TEK: variants seen among roughly 807,000 people sequenced by gnomAD.
The protein encoded by TEK is TEK receptor tyrosine kinase, also known as angiopoietin-1 receptor.
In TEK, 43 loss-of-function variants were observed where a neutral mutation model predicts 131.8. The observed-to-expected ratio is 0.33, with a 90% CI of 0.26 to 0.42. TEK has a LOEUF of 0.42. Ranked by LOEUF, TEK falls within the 10% of genes least tolerant of loss-of-function variation. TEK has a pLI of 1.00. For missense variants in TEK, 1,162 were observed against 1,384.4 expected (o/e 0.84, Z 2.55); for synonymous variants, 580 against 491.6 (o/e 1.18, Z -2.38).
In TEK at chr9:27,220,041, T is replaced by C. The variant is rs754634219; in HGVS notation, c.3104-8T>C. On this transcript the variant is annotated splice_polypyrimidine_tract_variant and splice_region_variant and intron_variant, in intron 20 of 22. Transcript: ENST00000380036. ...AGAGGACTTAGAGTGGCACTGTTTGTCTTCCAGGAGGCACACCCTACTGCG... is the reference window on the plus strand; with the variant it reads ...AGAGGACTTAGAGTGGCACTGTTTGCCTTCCAGGAGGCACACCCTACTGCG... 1.8e-5 allele frequency: 29 copies of C among 1,614,034 alleles called. No homozygotes were observed. The highest frequency in any genetic ancestry group is 2.5e-5 in the Non-Finnish European group (29 of 1,179,920).
rs201242194 is a variant in TEK at position 27,220,042 on chromosome 9, C to G, written c.3104-7C>G. 8.1e-6 allele frequency: 13 copies of G among 1,614,004 alleles called. No homozygotes were observed. In the East Asian group the frequency reaches 2.7e-4, roughly 33 times the overall value. On this transcript the variant is annotated splice_polypyrimidine_tract_variant and splice_region_variant and intron_variant, in intron 20 of 22. Transcript: ENST00000380036. ...GAGGACTTAGAGTGGCACTGTTTGT[C>G]TTCCAGGAGGCACACCCTACTGCGG...
At chr9:27,228,634 GACAC>G (rs1029276312) in intron 22 of TEK, among the ~76,000 whole-genome samples, 1 of 152,064 alleles carries the variant, frequency 6.6e-6, no homozygotes, top group African/African-American at 2.4e-5. Context: ...CTTGACCAAG[GACAC>G]ACAGCAAGTA....
intron 8 of TEK, among the ~76,000 whole-genome samples, chr9:27,184,773 C>T (rs1027200604): frequency 6.6e-6 from 1 of 152,106 alleles, no homozygotes; most frequent in African/African-American, 2.4e-5. Flanking sequence ...TACGGTGACT[C>T]ATGCCTGCAA....
intron 8 of TEK, among the ~76,000 whole-genome samples, chr9:27,183,870 A>G (rs972414660): frequency 3.3e-5 from 5 of 152,190 alleles, no homozygotes; most frequent in African/African-American, 1.2e-4. Context: ...CAAGGATGGC[A>G]CACATCCTGC....
intron 18 of TEK, among the ~76,000 whole-genome samples, chr9:27,214,687 A>G (rs76131961): frequency 0.015 from 2,340 of 152,264 alleles, 27 homozygotes; most frequent in South Asian, 0.035. Flanking sequence ...CACAGCATAC[A>G]TCCTTTTACA....
chr9:27,164,191 A>G (rs1823642602), intron 2 of TEK, among the ~76,000 whole-genome samples: 1 of 152,176 alleles, frequency 6.6e-6, no homozygotes, highest in Non-Finnish European at 1.5e-5. Flanking sequence ...CTGTACCTTA[A>G]TTTCCTCATC....
At chr9:27,110,172 C>CTTTTTTTTTTTT (rs56159018) in intron 1 of TEK, among the ~76,000 whole-genome samples, 1 of 144,866 alleles carries the variant, frequency 6.9e-6, no homozygotes, top group Non-Finnish European at 1.5e-5. Context: ...AAATTGTAGG[C>CTTTTTTTTTTTT]TTTTTTTTTT....
chr9:27,168,864 A>G (rs1045255846), intron 3 of TEK, among the ~76,000 whole-genome samples: 7 of 152,242 alleles, frequency 4.6e-5, no homozygotes, highest in Non-Finnish European at 1.0e-4. Flanking sequence ...ATAATGTGAG[A>G]TCCCAACTTC....
At chr9:27,177,251 T>G in intron 6 of TEK, among the ~76,000 whole-genome samples, 1 of 152,224 alleles carries the variant, frequency 6.6e-6, no homozygotes, top group South Asian at 2.1e-4. Flanking sequence ...TTTTGAGTGT[T>G]TTGAAGAACT....
chr9:27,138,516 A>G (rs1822590937), intron 1 of TEK, among the ~76,000 whole-genome samples: 1 of 152,216 alleles, frequency 6.6e-6, no homozygotes, highest in African/African-American at 2.4e-5. Context: ...TCCTCTAGCT[A>G]GACAGAAAAG....
chr9:27,182,800 A>C (rs1435308975), intron 7 of TEK, among the ~76,000 whole-genome samples: 1 of 152,232 alleles, frequency 6.6e-6, no homozygotes, highest in African/African-American at 2.4e-5. Context: ...ACCTTTATTG[A>C]CACTACAGAC....
intron 1 of TEK, among the ~76,000 whole-genome samples, chr9:27,111,501 TTTC>T (rs1821344946): frequency 6.7e-6 from 1 of 150,346 alleles, no homozygotes; most frequent in African/African-American, 2.4e-5. Context: ...CAGTGGGTTG[TTTC>T]TTGTTTCTTT....
rs889158520 is a variant in TEK at position 27,138,237 on chromosome 9, G to A, written c.53-19594G>A. 5.9e-5 allele frequency among the ~76,000 whole-genome samples: 9 copies of A among 152,228 alleles called. No individual in the cohort carries two copies. In the East Asian group the frequency reaches 7.7e-4, roughly 13 times the overall value. ...CCACAGTGTGGAAGGGGATCTGAGCGGGTTGCCGCTGCTGGCTCAGGTGGC... is the reference window on the plus strand; with the variant it reads ...CCACAGTGTGGAAGGGGATCTGAGCAGGTTGCCGCTGCTGGCTCAGGTGGC... On this transcript the variant is annotated intron_variant, in intron 1 of 22. Transcript: ENST00000380036.
chr9:27,131,888 A>G (rs1007208729), intron 1 of TEK, among the ~76,000 whole-genome samples: 2 of 152,120 alleles, frequency 1.3e-5, no homozygotes, highest in East Asian at 3.8e-4. Flanking sequence ...GAAAGAAATG[A>G]AAGTTATGCA....
At chr9:27,183,429 A>G in intron 7 of TEK, 30 bp from the exon 8 acceptor site, 3 of 1,612,130 alleles carry the variant, frequency 1.9e-6, no homozygotes, top group Non-Finnish European at 2.5e-6. Context: ...GTTAAATATT[A>G]GATTTCACAG....
chr9:27,228,730 G>T (rs186261766), intron 22 of TEK, among the ~76,000 whole-genome samples: 1 of 152,128 alleles, frequency 6.6e-6, no homozygotes, highest in South Asian at 2.1e-4. Context: ...TGGCTGTACC[G>T]ATCTGGGAGT....
chr9:27,172,261 A>G (rs926515032), intron 4 of TEK, among the ~76,000 whole-genome samples: 5 of 152,200 alleles, frequency 3.3e-5, no homozygotes, highest in African/African-American at 1.2e-4. Flanking sequence ...TGGACATGCC[A>G]TGCTGTCTTC....
chr9:27,142,651 A>G (rs1822769807), intron 1 of TEK, among the ~76,000 whole-genome samples: 1 of 152,230 alleles, frequency 6.6e-6, no homozygotes, highest in African/African-American at 2.4e-5. Flanking sequence ...GGGATGATCA[A>G]AGTACTAAGG....
At position 27,157,906 on chromosome 9, in the gene TEK, C is replaced by T; in HGVS notation, c.128C>T (p.Thr43Ile). Residue 43 changes from threonine (T) to isoleucine (I), a missense_variant, in exon 2 of 23, where the codon ACC becomes ATC. Physicochemically the swap from Thr to Ile is moderately conservative, Grantham distance 89. Coordinates refer to ENST00000380036, the MANE Select transcript of TEK (RefSeq NM_000459.5). ...PLVSDAETSL[T>I]CIASGWRPHE... is the part of the protein sequence containing the mutation. ...GTATCTGATGCTGAAACATCTCTCA[C>T]CTGCATTGCCTCTGGGTGGCGCCCC... 6.2e-7 allele frequency: 1 copy of T among 1,614,086 alleles called. No individual in the cohort carries two copies. The highest frequency in any genetic ancestry group is 8.5e-7 in the Non-Finnish European group (1 of 1,180,024).
Sources: allele counts gnomAD v4.1 joint callset (sites outside exome capture counted in the v4.1 genomes callset), GRCh38; gene constraint gnomAD v4.1.1; transcripts MANE v1.5; gene names NCBI Gene and HGNC (gene_info 2026-07-23, HGNC 2026-07-21).